FYCO1: variants seen among roughly 807,000 people sequenced by gnomAD.
FYCO1 encodes the protein FYVE and coiled-coil domain-containing protein 1.
FYCO1 carries 122 observed loss-of-function variants against 165.1 expected under a neutral mutation model. The ratio of observed to expected loss-of-function variants is 0.74; its 90% CI spans 0.64 to 0.86. The LOEUF (loss-of-function observed/expected upper bound fraction) is 0.86, where lower values mean the gene tolerates loss of function less well. Ranked by LOEUF, FYCO1 falls within the 40% of genes least tolerant of loss-of-function variation. The pLI, the probability that FYCO1 is intolerant of heterozygous loss-of-function variation, is 0.00. For missense variants in FYCO1, 1,702 were observed against 1,810.3 expected (o/e 0.94, Z 1.09); for synonymous variants, 648 against 742.5 (o/e 0.87, Z 2.07).
In FYCO1 at chr3:45,975,071, CAAGG is replaced by C. The variant is rs71756916; in HGVS notation, c.395+164_395+167del. Among the ~76,000 whole-genome samples, 2,518 of 152,240 alleles carry C rather than the reference CAAGG, an allele frequency of 0.017. 67 individuals carry two copies. The highest frequency in any genetic ancestry group is 0.056 in the African/African-American group (2,311 of 41,504). Reference sequence around the variant, plus strand: ...CACAGTGCTACTTGCCCACATGTGTCAAGGACTTTGGGAGGAGGGGTGGAAGACA... The same window carrying C: ...CACAGTGCTACTTGCCCACATGTGTCACTTTGGGAGGAGGGGTGGAAGACA... On this transcript the variant is annotated intron_variant, in intron 5 of 17. Transcript: ENST00000296137.
chr3:45,948,115 C>T (rs994393475), intron 14 of FYCO1: 2 of 167,332 alleles, frequency 1.2e-5, no homozygotes, highest in African/African-American at 4.8e-5. Flanking sequence ...GCTGATAATT[C>T]CAGTGGTCCA....
intron 12 of FYCO1, 21 bp from the exon 13 acceptor site, chr3:45,958,640 G>C (rs368398953): frequency 6.2e-7 from 1 of 1,611,880 alleles, no homozygotes; most frequent in Non-Finnish European, 8.5e-7. Flanking sequence ...AACAAGCCCA[G>C]GCTGTGAGGA....
chr3:45,979,927 A>G (rs917929947), intron 3 of FYCO1, 97 bp from the exon 4 acceptor site: 6 of 1,461,398 alleles, frequency 4.1e-6, no homozygotes, highest in Non-Finnish European at 5.7e-6. Context: ...CTTAGGTGCC[A>G]GCACTGGGTG....
At chr3:45,933,348 C>T (rs965390714) in intron 15 of FYCO1, among the ~76,000 whole-genome samples, 2 of 152,160 alleles carry the variant, frequency 1.3e-5, no homozygotes, top group African/African-American at 4.8e-5. Flanking sequence ...CTGTCACTCT[C>T]TTTGAAAGAG....
At chr3:45,937,589 T>C (rs376754322) in intron 14 of FYCO1, among the ~76,000 whole-genome samples, 7 of 152,234 alleles carry the variant, frequency 4.6e-5, no homozygotes, top group East Asian at 3.9e-4. Context: ...CTGTAAGTTT[T>C]AAAGGACTCA....
At chr3:45,965,005 C>T in intron 9 of FYCO1, 28 bp downstream of exon 9, 1 of 1,591,304 alleles carries the variant, frequency 6.3e-7, no homozygotes. Flanking sequence ...TGCCCTCTCC[C>T]TGACAGGTCT....
rs781185822 is a variant in FYCO1, at chr3:45,973,125, C to T, written c.502G>A (p.Gly168Ser). Residue 168 changes from glycine to serine, a missense_variant, in exon 6 of 18, where the codon GGC becomes AGC. Coordinates refer to ENST00000296137, the MANE Select transcript of FYCO1 (RefSeq NM_024513.4). ...TEVQFDLASR[G>S]FDLDAAWPTF... Reference sequence around the variant, plus strand: ...GGCCAGGCAGCATCCAAGTCAAAGCCCCTCGACGCCAGGTCAAACTGAACC... The same window carrying T: ...GGCCAGGCAGCATCCAAGTCAAAGCTCCTCGACGCCAGGTCAAACTGAACC... 3 of 1,614,192 alleles carry T rather than the reference C, an allele frequency of 1.9e-6. No individual in the cohort carries two copies. Among genetic ancestry groups the T allele is most frequent in the Non-Finnish European group, 2.5e-6 (3 of 1,180,034 alleles).
intron 15 of FYCO1, among the ~76,000 whole-genome samples, chr3:45,933,846 T>C (rs773016806): frequency 5.3e-5 from 8 of 152,172 alleles, no homozygotes; most frequent in Non-Finnish European, 1.2e-4. Context: ...TCAAGGCTTT[T>C]AAAGCAGCCA....
rs796980892 is a variant in FYCO1, at chr3:45,992,657, T to C, written c.-113+3065A>G. On this transcript the variant is annotated intron_variant, in intron 1 of 17. Coordinates refer to ENST00000296137, the MANE Select transcript of FYCO1 (RefSeq NM_024513.4). ...ATGCAATGTTGAGAGGTAAACTTCC[T>C]TCATGTGAATTAATTAAGAATTGCA... Among the ~76,000 whole-genome samples, 4 of 152,306 alleles carry C rather than the reference T, an allele frequency of 2.6e-5. No individual in the cohort carries two copies. In the South Asian group the frequency reaches 8.3e-4, roughly 32 times the overall value.
At chr3:45,928,059 C>T (rs1703406143) in intron 16 of FYCO1, among the ~76,000 whole-genome samples, 1 of 152,166 alleles carries the variant, frequency 6.6e-6, no homozygotes, top group South Asian at 2.1e-4. Context: ...ATCAGCATAT[C>T]CACAAAATAG....
At chr3:45,953,873 G>C (rs1705166403) in intron 14 of FYCO1, among the ~76,000 whole-genome samples, 1 of 152,194 alleles carries the variant, frequency 6.6e-6, no homozygotes, top group South Asian at 2.1e-4. Flanking sequence ...TGCAGCTAAA[G>C]GAACCTCTGA....
At chr3:45,955,160 AGT>A in intron 14 of FYCO1, 87 bp downstream of exon 14, 1 of 1,449,808 alleles carries the variant, frequency 6.9e-7, no homozygotes, top group East Asian at 2.3e-5. Context: ...TCCTGCTTCC[AGT>A]GTCTCACTTT....
At position 45,967,852 on chromosome 3, in the gene FYCO1, T is replaced by C; in HGVS notation, c.1482A>G (p.Lys494=). The C allele has an allele frequency of 6.2e-7, 1 of 1,614,010 alleles. No individual in the cohort carries two copies. Among genetic ancestry groups the C allele is most frequent in the South Asian group, 1.1e-5 (1 of 91,076 alleles). The change falls in exon 8 of 18, where the codon AAA becomes AAG. Residue 494 remains lysine, a synonymous_variant. Transcript: ENST00000296137. ...GCTCCTTCTCCTCCTGTTGCTGTTTTTTCTCCCGCCTCAACTCTGCTAGCT... is the reference window on the plus strand; with the variant it reads ...GCTCCTTCTCCTCCTGTTGCTGTTTCTTCTCCCGCCTCAACTCTGCTAGCT... ...EEELAELRRE[K]KQQQEEKELL...
chr3:45,984,704 G>T, intron 2 of FYCO1, 152 bp downstream of exon 2: 1 of 758,098 alleles, frequency 1.3e-6, no homozygotes, highest in South Asian at 1.5e-5. Flanking sequence ...GGATATTTGA[G>T]ACCCAAATAT....
At chr3:45,954,362 G>A (rs1247305862) in intron 14 of FYCO1, among the ~76,000 whole-genome samples, 1 of 152,148 alleles carries the variant, frequency 6.6e-6, no homozygotes, top group Non-Finnish European at 1.5e-5. Flanking sequence ...TTCCCTGACA[G>A]TATTAGCCTG....
intron 7 of FYCO1, 128 bp from the exon 8 acceptor site, chr3:45,968,831 G>C: frequency 9.0e-7 from 1 of 1,111,648 alleles, no homozygotes; most frequent in Admixed American, 2.0e-5. Context: ...TTAGTCTAAA[G>C]AACTATTCAA....
chr3:45,926,476 C>T (rs1703323152), intron 16 of FYCO1, among the ~76,000 whole-genome samples: 1 of 151,998 alleles, frequency 6.6e-6, no homozygotes, highest in African/African-American at 2.4e-5. Flanking sequence ...ACGTTTATGC[C>T]CCTAATGACA....
At chr3:45,966,252 C>T (rs1264092625) in intron 8 of FYCO1, 25 bp downstream of exon 8, 2 of 1,610,648 alleles carry the variant, frequency 1.2e-6, no homozygotes, top group Non-Finnish European at 8.5e-7. Context: ...AGGGGTAGAG[C>T]CCAAGTGGTT....
At chr3:45,936,104 T>C (rs1292117869) in intron 15 of FYCO1, among the ~76,000 whole-genome samples, 1 of 152,170 alleles carries the variant, frequency 6.6e-6, no homozygotes, top group Non-Finnish European at 1.5e-5. Flanking sequence ...TTTTTTACAA[T>C]GAAAGTGTAC....
Sources: gnomAD v4.1 joint callset for allele counts (sites outside exome capture counted in the v4.1 genomes callset) on GRCh38, gnomAD v4.1.1 for gene constraint, MANE v1.5 for transcripts, NCBI Gene and HGNC (gene_info 2026-07-23, HGNC 2026-07-21) for gene names.